Variants in RASGRP1 observed in about 807,000 individuals in gnomAD.
The protein encoded by RASGRP1 is RAS guanyl-releasing protein 1.
A neutral mutation model predicts 95.1 loss-of-function variants in RASGRP1; 37 were observed. The observed-to-expected ratio is 0.39, with a 90% CI of 0.30 to 0.51. RASGRP1 has a LOEUF of 0.51. Among genes scored for constraint, RASGRP1 ranks in the 20% least tolerant of loss-of-function variants. The probability of loss-of-function intolerance (pLI) is 0.80; values close to 1 mark genes in which losing one functional copy is unlikely to be tolerated. For missense variants in RASGRP1, 711 were observed against 965.4 expected (o/e 0.74, Z 3.49); for synonymous variants, 325 against 353.4 (o/e 0.92, Z 0.90).
chr15:38,498,445 A>G (rs1289157235), intron 15 of RASGRP1, among the ~76,000 whole-genome samples: 1 of 152,216 alleles, frequency 6.6e-6, no homozygotes. Context: ...ATGTACATAC[A>G]TATTTTCCCT....
rs1268684693 is a variant in RASGRP1, at chr15:38,489,966, C to T, written c.*588G>A. 1.3e-5 allele frequency: 2 copies of T among 152,352 alleles called. No homozygotes were observed. Among genetic ancestry groups the T allele is most frequent in the African/African-American group, 4.8e-5 (2 of 41,374 alleles). 9.4% of individuals were successfully genotyped at this position (152,352 alleles called of 1,614,324 possible). ...ATAGGCCTCTAAAAAGTTGTGGCTA[C>T]ATCAGTAGAAATTGGCTTCTAGGTA... On this transcript the variant is annotated 3_prime_UTR_variant, in exon 17 of 17. Coordinates refer to ENST00000310803, the MANE Select transcript of RASGRP1 (RefSeq NM_005739.4).
intron 2 of RASGRP1, among the ~76,000 whole-genome samples, chr15:38,554,925 G>T (rs1226393986): frequency 6.6e-6 from 1 of 152,216 alleles, no homozygotes; most frequent in Non-Finnish European, 1.5e-5. Context: ...GCCCCTTCCT[G>T]ACACTACAAC....
chr15:38,498,700 C>A, intron 15 of RASGRP1, 94 bp downstream of exon 15: 1 of 1,477,586 alleles, frequency 6.8e-7, no homozygotes, highest in Non-Finnish European at 9.1e-7. Context: ...TACATTTAAA[C>A]TCAAACACAG....
At chr15:38,499,773 G>C (rs1003078280) in intron 14 of RASGRP1, among the ~76,000 whole-genome samples, 11 of 152,224 alleles carry the variant, frequency 7.2e-5, no homozygotes, top group African/African-American at 2.7e-4. Context: ...TGTCATGGGA[G>C]GGACCCAATG....
intron 2 of RASGRP1, among the ~76,000 whole-genome samples, chr15:38,553,013 G>C (rs1893399559): frequency 6.6e-6 from 1 of 152,180 alleles, no homozygotes; most frequent in Non-Finnish European, 1.5e-5. Context: ...AATTAAAAAT[G>C]ATGGTCCCTT....
At position 38,516,195 on chromosome 15, in the gene RASGRP1, A is replaced by T; in HGVS notation, c.675+2T>A. Reference sequence around the variant, plus strand: ...TTTTTCTCCTGCCCCTTGCATACATACCGATATCCTCCGGAAAGACTTGAA... The same window carrying T: ...TTTTTCTCCTGCCCCTTGCATACATTCCGATATCCTCCGGAAAGACTTGAA... On this transcript the variant is annotated splice_donor_variant, in intron 6 of 16. Transcript: ENST00000310803. LOFTEE classifies it high-confidence loss of function. The T allele has an allele frequency of 6.3e-7, 1 of 1,583,586 alleles. No individual in the cohort carries two copies. The highest frequency in any genetic ancestry group is 8.7e-7 in the Non-Finnish European group (1 of 1,152,448).
chr15:38,516,485 T>C (rs1891791295), intron 5 of RASGRP1, 135 bp from the exon 6 acceptor site: 2 of 1,104,552 alleles, frequency 1.8e-6, no homozygotes, highest in Non-Finnish European at 2.6e-6. Flanking sequence ...GCCAAAACAG[T>C]GCATTCACAG....
intron 8 of RASGRP1, among the ~76,000 whole-genome samples, chr15:38,510,911 T>C (rs1286988352): frequency 2.6e-5 from 4 of 152,164 alleles, no homozygotes; most frequent in Non-Finnish European, 5.9e-5. Flanking sequence ...CAGTGAGCTA[T>C]GATCGTGCCA....
At chr15:38,563,327 A>G (rs1312295947) in intron 1 of RASGRP1, among the ~76,000 whole-genome samples, 1 of 152,212 alleles carries the variant, frequency 6.6e-6, no homozygotes, top group African/African-American at 2.4e-5. Context: ...CTGTAAATGA[A>G]AAAACCAAAA....
intron 16 of RASGRP1, 159 bp downstream of exon 16, chr15:38,494,223 T>G: frequency 1.0e-6 from 1 of 955,886 alleles, no homozygotes; most frequent in Middle Eastern, 2.1e-4. Flanking sequence ...CTCCCTCTCT[T>G]CCTCCCTGTT....
intron 2 of RASGRP1, among the ~76,000 whole-genome samples, chr15:38,552,468 T>G (rs1893378807): frequency 6.6e-6 from 1 of 152,132 alleles, no homozygotes; most frequent in South Asian, 2.1e-4. Flanking sequence ...AAGCCCTGAT[T>G]AGTGATGTTT....
intron 2 of RASGRP1, among the ~76,000 whole-genome samples, chr15:38,559,228 A>G (rs535582967): frequency 6.6e-6 from 1 of 152,328 alleles, no homozygotes; most frequent in Admixed American, 6.5e-5. Context: ...TGCCTCCCTC[A>G]TGGTGGGCAA....
At chr15:38,534,079 C>T (rs1892545342) in intron 2 of RASGRP1, 1 of 152,514 alleles carries the variant, frequency 6.6e-6, no homozygotes, top group Admixed American at 6.5e-5. Flanking sequence ...TCCTTGCTCC[C>T]CAGGTGTTCC....
intron 5 of RASGRP1, among the ~76,000 whole-genome samples, 164 bp from the exon 6 acceptor site, chr15:38,516,514 T>G (rs1891792608): frequency 1.3e-5 from 2 of 152,134 alleles, no homozygotes; most frequent in Admixed American, 1.3e-4. Flanking sequence ...CAAATCAGTT[T>G]TTTTCCATGG....
At chr15:38,498,517 A>G (rs1890886550) in intron 15 of RASGRP1, among the ~76,000 whole-genome samples, 1 of 152,158 alleles carries the variant, frequency 6.6e-6, no homozygotes, top group African/African-American at 2.4e-5. Context: ...AACTTGAGGC[A>G]CTATCTTGGC....
rs977043676 is a variant in RASGRP1 at position 38,507,113 on chromosome 15, G to A, written c.1242+613C>T. On this transcript the variant is annotated intron_variant, in intron 9 of 16. Coordinates refer to ENST00000310803, the MANE Select transcript of RASGRP1 (RefSeq NM_005739.4). The stretch of plus-strand genomic sequence containing the variant: ...AGTCATCCCAGAGACTAATTCGTTT[G>A]AGGAGAGGAATCTTGGACGGTTATA... Among the ~76,000 whole-genome samples, 5 of 152,316 alleles carry A rather than the reference G, an allele frequency of 3.3e-5. No individual in the cohort carries two copies. In the South Asian group the frequency reaches 1.0e-3, roughly 32 times the overall value.
At chr15:38,551,457 T>C (rs1250771272) in intron 2 of RASGRP1, among the ~76,000 whole-genome samples, 1 of 152,214 alleles carries the variant, frequency 6.6e-6, no homozygotes, top group African/African-American at 2.4e-5. Context: ...AACTGAAGGC[T>C]TCTTTTTTGC....
chr15:38,540,123 C>G (rs1257410805), intron 2 of RASGRP1, among the ~76,000 whole-genome samples: 1 of 151,918 alleles, frequency 6.6e-6, no homozygotes, highest in East Asian at 1.9e-4. Flanking sequence ...AGATGAGGTC[C>G]TGCTGTGTTG....
chr15:38,495,748 A>G (rs1340701732), intron 15 of RASGRP1, among the ~76,000 whole-genome samples: 3 of 152,194 alleles, frequency 2.0e-5, no homozygotes, highest in African/African-American at 7.2e-5. Context: ...TCAAATATTT[A>G]AATTGTTATG....
Sources: allele counts gnomAD v4.1 joint callset (sites outside exome capture counted in the v4.1 genomes callset), GRCh38; gene constraint gnomAD v4.1.1; transcripts MANE v1.5; gene names NCBI Gene and HGNC (gene_info 2026-07-23, HGNC 2026-07-21).